The following ITFG1 variants were observed in gnomAD, a reference collection of about 807,000 sequenced individuals.
The protein encoded by ITFG1 is integrin alpha FG-GAP repeat containing 1, also known as T-cell immunomodulatory protein.
ITFG1 carries 34 observed loss-of-function variants against 81.8 expected under a neutral mutation model. The observed-to-expected ratio is 0.42, with a 90% confidence interval of 0.32 to 0.55. The LOEUF is 0.55. Ranked by LOEUF, ITFG1 falls within the 20% of genes least tolerant of loss-of-function variation. ITFG1 has a pLI of 0.17. For synonymous variants in ITFG1, 285 were observed against 270.6 expected, an observed-to-expected ratio of 1.05 and a Z score of -0.52; for missense variants, 672 against 755.4, an observed-to-expected ratio of 0.89 and a Z score of 1.29.
chr16:47,329,581 T>TTA lies in ITFG1; in HGVS notation c.803-15760_803-15759dup, dbSNP rs147778617. Among the ~76,000 whole-genome samples the TTA allele has an allele frequency of 2.6e-3, 396 of 152,290 alleles. 4 individuals are homozygous for TTA. Among genetic ancestry groups the TTA allele is most frequent in the African/African-American group, 9.0e-3 (375 of 41,588 alleles). On this transcript the variant is annotated intron_variant, in intron 8 of 17. Coordinates refer to ENST00000320640, the MANE Select transcript of ITFG1 (RefSeq NM_030790.5). ...CTATCCCAATGTTTTCTTGTAAAGATTAAATGATGATGATGACAATGATCA... is the reference window on the plus strand; with the variant it reads ...CTATCCCAATGTTTTCTTGTAAAGATTATAAATGATGATGATGACAATGATCA...
chr16:47,351,694 AG>A (rs1967958371), intron 8 of ITFG1, among the ~76,000 whole-genome samples: 1 of 149,200 alleles, frequency 6.7e-6, no homozygotes, highest in South Asian at 2.2e-4. Flanking sequence ...CTTTCTTCAG[AG>A]AATTGGAAAA....
At position 47,428,242 on chromosome 16, in the gene ITFG1, A is replaced by C. The variant is rs1265575354; in HGVS notation, c.655+562T>G. 2.0e-5 allele frequency among the ~76,000 whole-genome samples: 3 copies of C among 152,352 alleles called. No homozygotes were observed. The South Asian group carries it at 6.2e-4, about 32-fold the overall frequency. ...ATACAGATGGAAATATTTAAAAGTG[A>C]AATTATATGTTTGGGATTTACTTTA... is the stretch of plus-strand genomic sequence containing the variant. On this transcript the variant is annotated intron_variant, in intron 6 of 17. Transcript: ENST00000320640.
intron 14 of ITFG1, among the ~76,000 whole-genome samples, chr16:47,184,059 G>A (rs904210170): frequency 6.6e-6 from 1 of 152,004 alleles, no homozygotes; most frequent in African/African-American, 2.4e-5. Flanking sequence ...GAAATGAAGC[G>A]AGAAGGGAAG....
chr16:47,385,869 G>A (rs1370121479), intron 6 of ITFG1, among the ~76,000 whole-genome samples: 1 of 152,186 alleles, frequency 6.6e-6, no homozygotes, highest in Non-Finnish European at 1.5e-5. Context: ...AGGCTGTTAA[G>A]CTAGACAGGA....
intron 10 of ITFG1, among the ~76,000 whole-genome samples, chr16:47,274,125 T>G (rs1966372757): frequency 6.6e-6 from 1 of 151,870 alleles, no homozygotes; most frequent in South Asian, 2.1e-4. Context: ...GGTGTGGTGG[T>G]GGGTGCCTGT....
At chr16:47,266,379 G>A (rs376504029) in intron 10 of ITFG1, among the ~76,000 whole-genome samples, 7 of 151,990 alleles carry the variant, frequency 4.6e-5, no homozygotes, top group African/African-American at 1.7e-4. Flanking sequence ...AATCATGCCC[G>A]GCTAATTTTT....
At chr16:47,292,406 GTTCTAGAAAAAGAC>G in intron 10 of ITFG1, among the ~76,000 whole-genome samples, 1 of 152,308 alleles carries the variant, frequency 6.6e-6, no homozygotes, top group East Asian at 1.9e-4. Flanking sequence ...TAGTGTGCCT[GTTCTAGAAAAAGAC>G]TTTAGAGTTT....
intron 10 of ITFG1, among the ~76,000 whole-genome samples, chr16:47,280,411 T>A (rs1966439053): frequency 6.6e-6 from 1 of 152,226 alleles, no homozygotes. Flanking sequence ...ATAAAATGAT[T>A]TTTAAATATT....
At chr16:47,313,159 TG>T (rs1287223688) in intron 9 of ITFG1, 2 of 152,280 alleles carry the variant, frequency 1.3e-5, no homozygotes, top group African/African-American at 4.8e-5. Flanking sequence ...TGTGAAGATT[TG>T]TTTTCACATA....
intron 10 of ITFG1, among the ~76,000 whole-genome samples, chr16:47,300,887 T>G (rs1213357932): frequency 1.3e-5 from 2 of 152,208 alleles, no homozygotes; most frequent in Non-Finnish European, 2.9e-5. Flanking sequence ...GATTATGCAA[T>G]GAACTGGATC....
intron 13 of ITFG1, among the ~76,000 whole-genome samples, chr16:47,227,097 T>C (rs1385350540): frequency 6.6e-6 from 1 of 152,224 alleles, no homozygotes; most frequent in Admixed American, 6.5e-5. Context: ...TCAACTGAAA[T>C]GATACAACTG....
At chr16:47,197,418 GACCTGTAAGCCCCT>G (rs1965371084) in intron 14 of ITFG1, among the ~76,000 whole-genome samples, 1 of 152,170 alleles carries the variant, frequency 6.6e-6, no homozygotes, top group Non-Finnish European at 1.5e-5. Flanking sequence ...ATCCACCTGT[GACCTGTAAGCCCCT>G]ACCCTTCGAG....
At chr16:47,349,028 C>T (rs1315993162) in intron 8 of ITFG1, among the ~76,000 whole-genome samples, 3 of 152,102 alleles carry the variant, frequency 2.0e-5, no homozygotes, top group African/African-American at 7.2e-5. Flanking sequence ...TTTGTCACCA[C>T]CAGGCCTGCC....
chr16:47,405,616 T>C lies in ITFG1; in HGVS notation c.655+23188A>G, dbSNP rs189765774. 2.1e-4 allele frequency among the ~76,000 whole-genome samples: 32 copies of C among 152,310 alleles called. No individual in the cohort carries two copies. The East Asian group carries it at 5.2e-3, about 25-fold the overall frequency. On this transcript the variant is annotated intron_variant, in intron 6 of 17. Transcript: ENST00000320640. ...CCATGGAGAAGCTGCTGAACCTCTG[T>C]ATGTCAGTTTTACAATATGTGTACT...
intron 13 of ITFG1, among the ~76,000 whole-genome samples, chr16:47,228,814 A>G (rs537111590): frequency 6.6e-6 from 1 of 152,374 alleles, no homozygotes; most frequent in South Asian, 2.1e-4. Context: ...TGTTGTAACA[A>G]TGGAAACAAT....
chr16:47,407,605 C>T (rs559010659), intron 6 of ITFG1, among the ~76,000 whole-genome samples: 5 of 152,294 alleles, frequency 3.3e-5, no homozygotes, highest in Admixed American at 2.6e-4. Context: ...CCTTGGCCTC[C>T]GAACGTGTTG....
At chr16:47,207,152 G>A (rs186743863) in intron 14 of ITFG1, among the ~76,000 whole-genome samples, 5 of 152,062 alleles carry the variant, frequency 3.3e-5, no homozygotes, top group South Asian at 2.1e-4. Flanking sequence ...GCGCCATCTC[G>A]GCTCACTGCA....
At chr16:47,440,943 G>A (rs1969240602) in intron 5 of ITFG1, among the ~76,000 whole-genome samples, 1 of 152,060 alleles carries the variant, frequency 6.6e-6, no homozygotes, top group African/African-American at 2.4e-5. Context: ...CCGCTAGCAA[G>A]ACTAATAAAG....
intron 12 of ITFG1, among the ~76,000 whole-genome samples, chr16:47,257,412 G>A (rs1372418896): frequency 6.6e-6 from 1 of 152,152 alleles, no homozygotes; most frequent in East Asian, 1.9e-4. Flanking sequence ...ACTTAGGCAT[G>A]CACTTAACAA....
Sources: allele counts gnomAD v4.1 joint callset (sites outside exome capture counted in the v4.1 genomes callset), GRCh38; gene constraint gnomAD v4.1.1; transcripts MANE v1.5; gene names NCBI Gene and HGNC (gene_info 2026-07-23, HGNC 2026-07-21).